The following NEGR1 variants were observed in gnomAD, a reference collection of about 807,000 sequenced individuals.
NEGR1 encodes the protein IgLON family member 4.
NEGR1 carries 10 observed loss-of-function variants against 40.9 expected under a neutral mutation model. The ratio of observed to expected loss-of-function variants is 0.24; its 90% CI spans 0.15 to 0.42. NEGR1 has a LOEUF of 0.42. NEGR1 is among the 10% of genes least tolerant of loss of function. The pLI is 1.00. For synonymous variants in NEGR1, 185 were observed against 166.8 expected (o/e 1.11, Z -0.84); for missense variants, 352 against 438.9 (o/e 0.80, Z 1.77).
At position 71,580,437 on chromosome 1, in the gene NEGR1, C is replaced by T. The variant is rs530072041; in HGVS notation, c.940+12380G>A. Among the ~76,000 whole-genome samples the T allele has an allele frequency of 2.3e-3, 347 of 151,382 alleles. 1 individual carries two copies. The highest frequency in any genetic ancestry group is 3.6e-3 in the Non-Finnish European group (244 of 67,890). On this transcript the variant is annotated intron_variant, in intron 6 of 6. Coordinates refer to ENST00000357731, the MANE Select transcript of NEGR1 (RefSeq NM_173808.3). Reference sequence around the variant, plus strand: ...CTATCCTGCACATTGTGCACATGTACCCTAAAACTTAAAGTATAATAATAA... The same window carrying T: ...CTATCCTGCACATTGTGCACATGTATCCTAAAACTTAAAGTATAATAATAA...
At chr1:71,658,667 A>G (rs938121217) in intron 4 of NEGR1, among the ~76,000 whole-genome samples, 2 of 152,208 alleles carry the variant, frequency 1.3e-5, no homozygotes, top group African/African-American at 4.8e-5. Flanking sequence ...AGTAATACTA[A>G]TAGACAATTA....
chr1:71,920,070 G>T (rs1316594931), intron 2 of NEGR1, among the ~76,000 whole-genome samples: 1 of 152,092 alleles, frequency 6.6e-6, no homozygotes, highest in South Asian at 2.1e-4. Context: ...TCCTACAACT[G>T]CTCCCCAGAG....
intron 6 of NEGR1, among the ~76,000 whole-genome samples, chr1:71,527,007 C>T (rs902804570): frequency 6.6e-6 from 1 of 151,514 alleles, no homozygotes; most frequent in Non-Finnish European, 1.5e-5. Context: ...ATGGCTTTTG[C>T]CTAAACTAAC....
In NEGR1 at chr1:71,946,057, T is replaced by TG. The variant is rs199526395; in HGVS notation, c.177-10747_177-10746insC. Among the ~76,000 whole-genome samples, 473 of 151,984 alleles carry TG rather than the reference T, an allele frequency of 3.1e-3. 1 individual carries two copies. The highest frequency in any genetic ancestry group is 0.011 in the African/African-American group (453 of 41,396). On this transcript the variant is annotated intron_variant, in intron 1 of 6. Coordinates refer to ENST00000357731, the MANE Select transcript of NEGR1 (RefSeq NM_173808.3). ...ACCAATTCTATTCGTTTCTTTTTTTTTGTGTGGGAGTGACAGGGTCTCACT... is the reference window on the plus strand; with the variant it reads ...ACCAATTCTATTCGTTTCTTTTTTTTGTGTGTGGGAGTGACAGGGTCTCACT...
At chr1:72,255,692 A>C (rs191753212) in intron 1 of NEGR1, among the ~76,000 whole-genome samples, 233 of 152,024 alleles carry the variant, frequency 1.5e-3, no homozygotes, top group Non-Finnish European at 2.1e-3. Context: ...CTGGGACTAC[A>C]GGCATGCACC....
chr1:71,501,256 G>C (rs1187292398), intron 6 of NEGR1, among the ~76,000 whole-genome samples: 1 of 151,994 alleles, frequency 6.6e-6, no homozygotes, highest in Non-Finnish European at 1.5e-5. Flanking sequence ...ATACGCAAAT[G>C]ATTTATATTT....
chr1:72,051,590 T>G (rs1647061681), intron 1 of NEGR1, among the ~76,000 whole-genome samples: 1 of 151,502 alleles, frequency 6.6e-6, no homozygotes, highest in Admixed American at 6.6e-5. Flanking sequence ...GTGACATCCT[T>G]GAAAGTGTGA....
chr1:71,900,977 A>G (rs1202071192), intron 2 of NEGR1, among the ~76,000 whole-genome samples: 1 of 152,208 alleles, frequency 6.6e-6, no homozygotes, highest in African/African-American at 2.4e-5. Flanking sequence ...AACTGTTTCA[A>G]AATATTTCCT....
chr1:71,681,410 G>T (rs1652833290), intron 4 of NEGR1, among the ~76,000 whole-genome samples: 1 of 152,140 alleles, frequency 6.6e-6, no homozygotes, highest in Admixed American at 6.5e-5. Flanking sequence ...AAGACACTAA[G>T]AGTATTACTA....
intron 1 of NEGR1, among the ~76,000 whole-genome samples, chr1:72,225,457 A>T (rs115159813): frequency 0.023 from 3,544 of 151,824 alleles, 133 homozygotes; most frequent in African/African-American, 0.079. Context: ...ATTTTACATA[A>T]AAATTATTTT....
At chr1:71,576,214 G>T (rs1407980302) in intron 6 of NEGR1, among the ~76,000 whole-genome samples, 1 of 152,124 alleles carries the variant, frequency 6.6e-6, no homozygotes, top group Admixed American at 6.5e-5. Context: ...CTTCCAACTG[G>T]CAGGAGCTGA....
At chr1:71,586,445 G>A (rs1316277029) in intron 6 of NEGR1, among the ~76,000 whole-genome samples, 1 of 152,132 alleles carries the variant, frequency 6.6e-6, no homozygotes, top group Admixed American at 6.6e-5. Context: ...GTTTGCATAG[G>A]TTTTATTTGG....
intron 1 of NEGR1, among the ~76,000 whole-genome samples, chr1:72,115,387 G>C (rs1649542866): frequency 6.6e-6 from 1 of 151,648 alleles, no homozygotes; most frequent in East Asian, 1.9e-4. Context: ...AAGTTTATTA[G>C]TGTTATATCT....
chr1:71,547,957 C>G (rs11799370), intron 6 of NEGR1, among the ~76,000 whole-genome samples: 7,041 of 151,778 alleles, frequency 0.046, 552 homozygotes, highest in African/African-American at 0.16. Flanking sequence ...AAGAAGGCTA[C>G]TGTTGTGGGC....
intron 1 of NEGR1, among the ~76,000 whole-genome samples, chr1:72,040,017 A>C (rs1646937939): frequency 6.6e-6 from 1 of 152,006 alleles, no homozygotes. Context: ...ATACGTGTCT[A>C]ATGTGAGGCT....
At chr1:71,538,956 G>A (rs563308050) in intron 6 of NEGR1, among the ~76,000 whole-genome samples, 6 of 151,808 alleles carry the variant, frequency 4.0e-5, no homozygotes, top group African/African-American at 1.4e-4. Context: ...GGTTATAATA[G>A]TTGGTTCAAA....
At chr1:72,029,713 T>G (rs1286402286) in intron 1 of NEGR1, among the ~76,000 whole-genome samples, 1 of 152,182 alleles carries the variant, frequency 6.6e-6, no homozygotes, top group East Asian at 1.9e-4. Context: ...ACAAAGCATT[T>G]GAATGTCATA....
intron 6 of NEGR1, among the ~76,000 whole-genome samples, chr1:71,577,816 C>T (rs1649011840): frequency 1.3e-5 from 2 of 152,118 alleles, no homozygotes; most frequent in African/African-American, 4.8e-5. Context: ...ACGTTGAATT[C>T]AACTATTGTT....
At chr1:71,735,626 T>A (rs532647116) in intron 3 of NEGR1, among the ~76,000 whole-genome samples, 1 of 152,052 alleles carries the variant, frequency 6.6e-6, no homozygotes, top group Admixed American at 6.6e-5. Flanking sequence ...CAAAAATGAA[T>A]ACACATAAAC....
Sources: gnomAD v4.1 joint callset for allele counts (sites outside exome capture counted in the v4.1 genomes callset) on GRCh38, gnomAD v4.1.1 for gene constraint, MANE v1.5 for transcripts, NCBI Gene and HGNC (gene_info 2026-07-23, HGNC 2026-07-21) for gene names.